AGBL1: variants seen among roughly 807,000 people sequenced by gnomAD.
The protein encoded by AGBL1 is cytosolic carboxypeptidase 4.
A neutral mutation model predicts 118.9 loss-of-function variants in AGBL1; 130 were observed. That is an observed-to-expected ratio of 1.09 (90% CI 0.95 to 1.26). AGBL1 has a LOEUF of 1.26. Ranked by LOEUF, AGBL1 falls within the 50% of genes most tolerant of loss-of-function variation. The pLI is 0.00. For synonymous variants in AGBL1, 555 were observed against 478.9 expected (o/e 1.16, Z -2.08); for missense variants, 1,584 against 1,298.1 (o/e 1.22, Z -3.38).
intron 22 of AGBL1, among the ~76,000 whole-genome samples, chr15:86,900,195 C>T (rs555767786): frequency 6.6e-6 from 1 of 152,260 alleles, no homozygotes; most frequent in African/African-American, 2.4e-5. Context: ...GACTGGCTTT[C>T]TGGCTCCTCA....
At chr15:86,772,053 T>C (rs2078189797) in intron 22 of AGBL1, among the ~76,000 whole-genome samples, 1 of 152,010 alleles carries the variant, frequency 6.6e-6, no homozygotes, top group Non-Finnish European at 1.5e-5. Context: ...TGTGGCTGGA[T>C]CTGAGAGTGG....
intron 20 of AGBL1, among the ~76,000 whole-genome samples, chr15:86,548,860 G>A (rs780077234): frequency 6.6e-5 from 10 of 151,972 alleles, no homozygotes; most frequent in South Asian, 2.1e-4. Context: ...CAGGCTGTTC[G>A]GGAAGCATAA....
intron 18 of AGBL1, among the ~76,000 whole-genome samples, chr15:86,488,376 C>A (rs1028297155): frequency 6.6e-6 from 1 of 151,748 alleles, no homozygotes; most frequent in Non-Finnish European, 1.5e-5. Flanking sequence ...AGCTCCCAAA[C>A]TATGTTTGCT....
Position 86,157,222 on chromosome 15 carries a change from T to A in AGBL1, c.395-1711T>A, listed in dbSNP as rs1409669256. Among the ~76,000 whole-genome samples the A allele has an allele frequency of 2.6e-5, 4 of 152,116 alleles. No individual in the cohort carries two copies. The East Asian group carries it at 7.7e-4, about 29-fold the overall frequency. On this transcript the variant is annotated intron_variant, in intron 4 of 22. Transcript: ENST00000614907. ...CAGATGGAGCCTCTACTCACCTATC[T>A]CCCGTATATTGACCTGAACACCAGA...
intron 22 of AGBL1, among the ~76,000 whole-genome samples, chr15:86,835,498 C>T (rs16978022): frequency 0.15 from 23,120 of 151,776 alleles, 1,906 homozygotes; most frequent in South Asian, 0.25. Flanking sequence ...TGTAGGGACA[C>T]TGTTCTGCCA....
chr15:86,540,223 T>C (rs1345454420), intron 19 of AGBL1, among the ~76,000 whole-genome samples: 2 of 152,214 alleles, frequency 1.3e-5, no homozygotes, highest in African/African-American at 4.8e-5. Flanking sequence ...TGCTGTGTTA[T>C]ATTAAAATTT....
intron 21 of AGBL1, among the ~76,000 whole-genome samples, chr15:86,557,162 G>A (rs1034552296): frequency 7.9e-5 from 12 of 152,128 alleles, no homozygotes; most frequent in African/African-American, 2.7e-4. Context: ...ATTTAATGTG[G>A]AAATCCCACC....
At chr15:86,265,948 A>T (rs1597650750) in intron 11 of AGBL1, among the ~76,000 whole-genome samples, 1 of 152,204 alleles carries the variant, frequency 6.6e-6, no homozygotes, top group East Asian at 1.9e-4. Context: ...AAATTGCACA[A>T]GGGTACACAG....
chr15:86,906,543 T>G (rs2080282013), intron 22 of AGBL1, among the ~76,000 whole-genome samples: 1 of 152,208 alleles, frequency 6.6e-6, no homozygotes, highest in Non-Finnish European at 1.5e-5. Flanking sequence ...AACCGTGTAA[T>G]ATGACTCATA....
At chr15:86,674,601 A>G (rs1311456603) in intron 22 of AGBL1, among the ~76,000 whole-genome samples, 165 bp downstream of exon 22, 1 of 152,314 alleles carries the variant, frequency 6.6e-6, no homozygotes, top group African/African-American at 2.4e-5. Context: ...CTGATGAAAA[A>G]GAGGATGCTG....
intron 5 of AGBL1, among the ~76,000 whole-genome samples, chr15:86,172,957 A>G (rs2077435509): frequency 6.6e-6 from 1 of 152,042 alleles, no homozygotes; most frequent in South Asian, 2.1e-4. Context: ...ATAAATTTAG[A>G]TTCTGACTAA....
chr15:86,939,119 C>T (rs2080714173), intron 23 of AGBL1: 1 of 152,390 alleles, frequency 6.6e-6, no homozygotes, highest in African/African-American at 2.4e-5. Context: ...TGAGTGTCAA[C>T]TTGATTGGAT....
intron 18 of AGBL1, among the ~76,000 whole-genome samples, chr15:86,474,897 C>T (rs2142109842): frequency 6.6e-6 from 1 of 152,336 alleles, no homozygotes; most frequent in African/African-American, 2.4e-5. Context: ...AATGATCAGG[C>T]AGCAACATTT....
At chr15:86,679,140 G>T (rs1032389704) in intron 22 of AGBL1, among the ~76,000 whole-genome samples, 1 of 152,040 alleles carries the variant, frequency 6.6e-6, no homozygotes, top group African/African-American at 2.4e-5. Flanking sequence ...TTTAACTCAG[G>T]TAATATTAAA....
chr15:86,435,754 G>A (rs1033077189), intron 18 of AGBL1, among the ~76,000 whole-genome samples: 30 of 152,014 alleles, frequency 2.0e-4, no homozygotes, highest in Admixed American at 7.2e-4. Flanking sequence ...TCTGCGGCTC[G>A]GATTCCTTCC....
chr15:86,787,328 T>C (rs2078426905), intron 22 of AGBL1, among the ~76,000 whole-genome samples: 1 of 152,140 alleles, frequency 6.6e-6, no homozygotes, highest in African/African-American at 2.4e-5. Context: ...TTTCATGCTG[T>C]ACATTAGATC....
chr15:86,139,813 A>C (rs1036539949), intron 1 of AGBL1: 2 of 155,462 alleles, frequency 1.3e-5, no homozygotes, highest in African/African-American at 4.9e-5. Context: ...AGTGGGGCCC[A>C]CCTGGGTGAG....
chr15:86,271,330 GGT>G (rs1316848344), intron 14 of AGBL1, among the ~76,000 whole-genome samples: 1 of 151,938 alleles, frequency 6.6e-6, no homozygotes, highest in Non-Finnish European at 1.5e-5. Flanking sequence ...CCAAAGTGCT[GGT>G]ATTACAGGCA....
At chr15:86,619,815 A>G (rs1239650796) in intron 21 of AGBL1, among the ~76,000 whole-genome samples, 1 of 152,156 alleles carries the variant, frequency 6.6e-6, no homozygotes, top group African/African-American at 2.4e-5. Context: ...AAGAAGGAAC[A>G]TTTGAATTGA....
Sources: gnomAD v4.1 joint callset for allele counts (sites outside exome capture counted in the v4.1 genomes callset) on GRCh38, gnomAD v4.1.1 for gene constraint, MANE v1.5 for transcripts, NCBI Gene and HGNC (gene_info 2026-07-23, HGNC 2026-07-21) for gene names.